The following PIK3C2A variants were observed in gnomAD, a reference collection of about 807,000 sequenced individuals.
PIK3C2A encodes phosphatidylinositol 4-phosphate 3-kinase C2 domain-containing subunit alpha.
Under a neutral mutation model 204.5 loss-of-function variants are expected in PIK3C2A, and 97 were observed. The observed-to-expected ratio is 0.47, with a 90% confidence interval of 0.40 to 0.56. The LOEUF is 0.56. Among genes scored for constraint, PIK3C2A ranks in the 20% least tolerant of loss-of-function variants. The pLI is 0.00. For synonymous variants in PIK3C2A, 653 were observed against 664.4 expected (o/e 0.98, Z 0.26); for missense variants, 1,735 against 1,969.2 (o/e 0.88, Z 2.25).
At chr11:17,169,978 A>G (rs533811397) in intron 1 of PIK3C2A, among the ~76,000 whole-genome samples, 172 bp from the exon 2 acceptor site, 2 of 152,306 alleles carry the variant, frequency 1.3e-5, no homozygotes, top group Admixed American at 1.3e-4. Context: ...CACCTTATAC[A>G]CTGTTGGGTT....
intron 1 of PIK3C2A, chr11:17,194,069 C>G: frequency 2.4e-6 from 1 of 410,784 alleles, no homozygotes. Context: ...TATGAAGGCC[C>G]TTGTAAAGGA....
rs201413129 is a variant in PIK3C2A, at chr11:17,122,653, T to G, written c.2511+49A>C. The G allele has an allele frequency of 1.2e-5, 10 of 855,138 alleles. No homozygotes were observed. The East Asian group carries it at 2.4e-4, about 21-fold the overall frequency. The allele number at this position is 855,138 out of a possible 1,614,324, so 53.0% of individuals were successfully genotyped here. On this transcript the variant is annotated intron_variant, in intron 14 of 32. Transcript: ENST00000691414. ...TCATGGTATACACACACACATTTTA[T>G]GAAGAAATTTAAATGTACACCTCTC...
At chr11:17,146,753 A>G (rs1180998031) in intron 6 of PIK3C2A, among the ~76,000 whole-genome samples, 1 of 152,070 alleles carries the variant, frequency 6.6e-6, no homozygotes, top group East Asian at 1.9e-4. Flanking sequence ...TCATTCCTTA[A>G]GAAACTAAGA....
intron 24 of PIK3C2A, among the ~76,000 whole-genome samples, chr11:17,101,897 C>A (rs1367355045): frequency 2.6e-5 from 4 of 151,822 alleles, no homozygotes; most frequent in Admixed American, 2.0e-4. Flanking sequence ...GCCACTGCAC[C>A]CGGCCTCTAA....
rs139012235 is a variant in PIK3C2A at position 17,089,793 on chromosome 11, T to C, written c.5006A>G (p.Asn1669Ser). ...CCATTTAACCGTCTCTTTGCTCAAG[T>C]TGAAATCTTTCAAAGGCAGGGTTAC... The part of the protein sequence containing the change: ...GGVTLPLKDF[N>S]LSKETVKWYQ... Residue 1669 changes from asparagine to serine, a missense_variant, in exon 33 of 33, where the codon AAC (asparagine) becomes AGC (serine). Physicochemically the swap from Asn to Ser is conservative, Grantham distance 46. Transcript: ENST00000691414. The C allele has an allele frequency of 8.9e-5, 144 of 1,614,016 alleles. 1 individual carries two copies. Among genetic ancestry groups the C allele is most frequent in the East Asian group, 5.1e-4 (23 of 44,874 alleles).
chr11:17,155,646 G>GT lies in PIK3C2A; in HGVS notation c.1066-18dup. On this transcript the variant is annotated splice_polypyrimidine_tract_variant and intron_variant, in intron 2 of 32. Coordinates refer to ENST00000691414, the MANE Select transcript of PIK3C2A (RefSeq NM_002645.4). ...TGGGTCTTTCTGTAATTAAAAAAGT[G>GT]TTTTTATTTTAAAAGTGGAAGATCC... 1 of 1,460,958 alleles carries GT rather than the reference G, an allele frequency of 6.8e-7. No individual in the cohort carries two copies. Among genetic ancestry groups the GT allele is most frequent in the Non-Finnish European group, 9.6e-7 (1 of 1,044,894 alleles). The allele number at this position is 1,460,958 out of a possible 1,614,324, so 90.5% of individuals were successfully genotyped here.
At chr11:17,205,819 T>G (rs1229745012) in intron 1 of PIK3C2A, among the ~76,000 whole-genome samples, 1 of 152,212 alleles carries the variant, frequency 6.6e-6, no homozygotes, top group African/African-American at 2.4e-5. Flanking sequence ...AGCTTTTGTA[T>G]TCTATAAAAC....
chr11:17,119,338 AT>A, intron 16 of PIK3C2A, 25 bp from the exon 17 acceptor site: 1 of 1,341,694 alleles, frequency 7.5e-7, no homozygotes, highest in South Asian at 1.2e-5. Flanking sequence ...TAAAACCAAG[AT>A]TGGACAGTGA....
rs1453052195 is a variant in PIK3C2A, at chr11:17,105,268, C to T, written c.3582G>A (p.Arg1194=). The change falls in exon 23 of 33, where the codon AGG becomes AGA. Residue 1194 remains arginine (R), a synonymous_variant. Coordinates refer to ENST00000691414, the MANE Select transcript of PIK3C2A (RefSeq NM_002645.4). The part of the protein sequence containing the change: ...VELVPASDTL[R]KIQVEYGVTG... ...TCACACCATATTCCACTTGGATTTT[C>T]CTGAGGGTATCGGAAGCAGGAACCA... 1 of 1,611,322 alleles carries T rather than the reference C, an allele frequency of 6.2e-7. No homozygotes were observed. Among genetic ancestry groups the T allele is most frequent in the African/African-American group, 1.3e-5 (1 of 74,878 alleles).
At chr11:17,120,095 A>C in intron 15 of PIK3C2A, 121 bp from the exon 16 acceptor site, 1 of 517,664 alleles carries the variant, frequency 1.9e-6, no homozygotes, top group Non-Finnish European at 3.3e-6. Context: ...TAAAATCATT[A>C]ATACTAATTT....
At chr11:17,159,545 A>AT (rs1850710578) in intron 2 of PIK3C2A, among the ~76,000 whole-genome samples, 1 of 152,108 alleles carries the variant, frequency 6.6e-6, no homozygotes, top group South Asian at 2.1e-4. Context: ...AATTTCTGTA[A>AT]TTTTTTACAG....
intron 19 of PIK3C2A, chr11:17,115,538 C>T (rs1480706215): frequency 2.2e-5 from 2 of 93,004 alleles, no homozygotes; most frequent in Non-Finnish European, 4.1e-5. Context: ...GACCTCATCT[C>T]AAGGAAAAAA....
chr11:17,103,311 T>G (rs1038977643), intron 23 of PIK3C2A, among the ~76,000 whole-genome samples: 3 of 152,116 alleles, frequency 2.0e-5, no homozygotes, highest in African/African-American at 4.8e-5. Flanking sequence ...GTTTCCCATG[T>G]GGTGATTCCC....
At position 17,088,113 on chromosome 11, in the gene PIK3C2A, T is replaced by TG; in HGVS notation, c.*1624dup. 1 of 152,352 alleles carries TG rather than the reference T, an allele frequency of 6.6e-6. No homozygotes were observed. Among genetic ancestry groups the TG allele is most frequent in the African/African-American group, 2.4e-5 (1 of 41,584 alleles). 9.4% of individuals were successfully genotyped at this position (152,352 alleles called of 1,614,324 possible). ...GTCAGTTTTCTCACAGCAACCTGAT[T>TG]GGTACAATTTCTATTACCATTTTTA... On this transcript the variant is annotated 3_prime_UTR_variant, in exon 33 of 33. Coordinates refer to ENST00000691414, the MANE Select transcript of PIK3C2A (RefSeq NM_002645.4).
At chr11:17,119,692 C>T (rs1181080370) in intron 16 of PIK3C2A, 94 bp downstream of exon 16, 1 of 720,300 alleles carries the variant, frequency 1.4e-6, no homozygotes, top group Admixed American at 2.9e-5. Flanking sequence ...TATTGAATTG[C>T]TTTCATGTTA....
chr11:17,168,793 A>G lies in PIK3C2A; in HGVS notation c.949T>C (p.Cys317Arg). ...VLLEERSTAN[C>R]HLERKVNGKS... ...CCATTCACCTTTCTTTCAAGATGAC[A>G]ATTTGCTGTCGATCTCTCTTCAAGA... Residue 317 changes from cysteine to arginine, a missense_variant, in exon 2 of 33, where the codon TGT becomes CGT. Cys to Arg is a radical substitution (Grantham distance 180). Around this residue, in one of 6 missense-constraint regions of PIK3C2A, gnomAD observed 536 missense variants for 546.7 expected, o/e 0.98. Transcript: ENST00000691414. 6.2e-7 allele frequency: 1 copy of G among 1,614,040 alleles called. No homozygotes were observed. The highest frequency in any genetic ancestry group is 8.5e-7 in the Non-Finnish European group (1 of 1,179,962).
chr11:17,159,706 G>A (rs981975637), intron 2 of PIK3C2A, among the ~76,000 whole-genome samples: 3 of 152,166 alleles, frequency 2.0e-5, no homozygotes, highest in African/African-American at 7.2e-5. Flanking sequence ...TATCTGTGAG[G>A]CACAGAACTG....
At chr11:17,131,218 A>G (rs1175754060) in intron 12 of PIK3C2A, among the ~76,000 whole-genome samples, 2 of 152,082 alleles carry the variant, frequency 1.3e-5, no homozygotes, top group Non-Finnish European at 2.9e-5. Flanking sequence ...TTTTTTCGTT[A>G]AGTGTTGATT....
chr11:17,183,786 T>C (rs755751661), intron 1 of PIK3C2A, among the ~76,000 whole-genome samples: 1 of 151,750 alleles, frequency 6.6e-6, no homozygotes, highest in Non-Finnish European at 1.5e-5. Context: ...GCAGACCATA[T>C]ATATGACAGT....
Sources: allele counts gnomAD v4.1 joint callset (sites outside exome capture counted in the v4.1 genomes callset), GRCh38; gene constraint gnomAD v4.1.1; regional missense constraint gnomAD v4.1.1; transcripts MANE v1.5; gene names NCBI Gene and HGNC (gene_info 2026-07-23, HGNC 2026-07-21).